CEP72: variants seen among roughly 807,000 people sequenced by gnomAD.
The protein encoded by CEP72 is centrosomal protein of 72 kDa.
In CEP72, 78 loss-of-function variants were observed where a neutral mutation model predicts 65.7. The ratio of observed to expected loss-of-function variants is 1.19; its 90% CI spans 0.99 to 1.43. The LOEUF (loss-of-function observed/expected upper bound fraction) is 1.43, where lower values mean the gene tolerates loss of function less well. CEP72 is among the 40% of genes most tolerant of loss of function. The pLI, the probability that CEP72 is intolerant of heterozygous loss-of-function variation, is 0.00. For synonymous variants in CEP72, 358 were observed against 351.7 expected (o/e 1.02, Z -0.20); for missense variants, 914 against 832.9 (o/e 1.10, Z -1.20).
At chr5:638,456 C>T (rs1435644717) in intron 7 of CEP72, among the ~76,000 whole-genome samples, 1 of 151,706 alleles carries the variant, frequency 6.6e-6, no homozygotes, top group Non-Finnish European at 1.5e-5. Flanking sequence ...CTTGCCACAA[C>T]GAGGGCTTCA....
At chr5:658,528 A>G (rs139172646), downstream of CEP72, among the ~76,000 whole-genome samples, 14 of 152,084 alleles carry the variant, frequency 9.2e-5, no homozygotes, top group East Asian at 1.9e-4. Flanking sequence ...TTTCTTTTCA[A>G]TTTCTGATCT....
intron 9 of CEP72, among the ~76,000 whole-genome samples, chr5:643,918 G>C (rs1738235157): frequency 6.6e-6 from 1 of 152,238 alleles, no homozygotes; most frequent in Non-Finnish European, 1.5e-5. Flanking sequence ...ACCAAGGCCT[G>C]GGGCTCGCAG....
chr5:623,677 C>T lies in CEP72; in HGVS notation c.404-794C>T, dbSNP rs1236471938. 6.6e-6 allele frequency among the ~76,000 whole-genome samples: 1 copy of T among 151,904 alleles called. No homozygotes were observed. Reference sequence around the variant, plus strand: ...GGTTGCGGGAGGGTGGGATTGGGTGCAGGTCTCCTGGCGCACGTGTCTCCT... The same window carrying T: ...GGTTGCGGGAGGGTGGGATTGGGTGTAGGTCTCCTGGCGCACGTGTCTCCT... On this transcript the variant is annotated intron_variant, in intron 3 of 11. Coordinates refer to ENST00000264935, the MANE Select transcript of CEP72 (RefSeq NM_018140.4). This position sits in a 1 kb window ranked among gnomAD's most constrained non-coding sequence, Gnocchi z 5.3.
intron 7 of CEP72, among the ~76,000 whole-genome samples, chr5:638,606 CG>C (rs1485442168): frequency 2.0e-5 from 3 of 151,432 alleles, no homozygotes; most frequent in Non-Finnish European, 4.4e-5. Flanking sequence ...TTGACGTCCC[CG>C]GCAGGTCCTG....
chr5:628,870 C>A lies in CEP72; in HGVS notation c.512+4291C>A, dbSNP rs1398059876. On this transcript the variant is annotated intron_variant, in intron 4 of 11. Coordinates refer to ENST00000264935, the MANE Select transcript of CEP72 (RefSeq NM_018140.4). ...CCAGCGCCCTTCTTTGTGCAGCGTT[C>A]TGGAGAACTCAGGTTGCCGTCCCTG... Among the ~76,000 whole-genome samples the A allele has an allele frequency of 5.8e-4, 64 of 110,986 alleles. 2 individuals are homozygous for A. Among genetic ancestry groups the A allele is most frequent in the African/African-American group, 2.4e-3 (58 of 24,324 alleles). The allele number at this position is 110,986 out of a possible 152,430, so 72.8% of individuals were successfully genotyped here. A position where few individuals can be genotyped will look rare whatever the true frequency, so the allele number is the denominator to read the frequency against.
intron 8 of CEP72, 30 bp from the exon 9 acceptor site, chr5:640,378 G>A (rs924221149): frequency 6.2e-7 from 1 of 1,604,178 alleles, no homozygotes; most frequent in African/African-American, 1.3e-5. Context: ...AAGCCTAAGT[G>A]CTAATGTAAT....
intron 1 of CEP72, chr5:612,705 G>C: frequency 1.1e-6 from 1 of 871,620 alleles, no homozygotes; most frequent in South Asian, 5.2e-5. Flanking sequence ...CGTGACTGGG[G>C]GTTACATCCG....
At chr5:673,416 C>T in the CEP72 span, among the ~76,000 whole-genome samples, 1 of 152,022 alleles carries the variant, frequency 6.6e-6, no homozygotes, top group African/African-American at 2.4e-5. Flanking sequence ...GTGGGGGCAG[C>T]CCTGGGGGGC....
intron 4 of CEP72, among the ~76,000 whole-genome samples, chr5:629,388 A>G (rs973394068): frequency 3.3e-5 from 5 of 152,070 alleles, no homozygotes; most frequent in African/African-American, 1.2e-4. Flanking sequence ...TTTTGAACCA[A>G]TCCTAGTGGG....
intron 7 of CEP72, 86 bp downstream of exon 7, chr5:637,904 G>A (rs1208986123): frequency 2.8e-5 from 36 of 1,282,898 alleles, no homozygotes; most frequent in Admixed American, 5.6e-5. Flanking sequence ...CCGTGATTAC[G>A]CCTGCGGCAC....
downstream of CEP72, chr5:659,845 T>G (rs953802879): frequency 6.6e-6 from 1 of 152,422 alleles, no homozygotes; most frequent in Non-Finnish European, 1.5e-5. Flanking sequence ...ACACGTGTGC[T>G]CTGAGGAACA....
intron 3 of CEP72, among the ~76,000 whole-genome samples, chr5:622,750 A>G (rs564259166): frequency 1.0e-4 from 15 of 146,256 alleles, no homozygotes; most frequent in African/African-American, 2.7e-4. Context: ...GACATTAACA[A>G]TGGACCCCCC....
At chr5:658,745 T>G (rs1739461646), downstream of CEP72, among the ~76,000 whole-genome samples, 1 of 132,240 alleles carries the variant, frequency 7.6e-6, no homozygotes, top group Non-Finnish European at 1.6e-5. Flanking sequence ...CTCGGCTCAC[T>G]GCAAGCTCCG....
At chr5:627,748 C>G (rs1182448993) in intron 4 of CEP72, among the ~76,000 whole-genome samples, 2 of 152,278 alleles carry the variant, frequency 1.3e-5, no homozygotes, top group East Asian at 3.9e-4. Flanking sequence ...AAAGGAAGCA[C>G]TTATTCCACG....
At chr5:617,813 C>T (rs532420399) in intron 1 of CEP72, among the ~76,000 whole-genome samples, 15 of 152,068 alleles carry the variant, frequency 9.9e-5, no homozygotes, top group Non-Finnish European at 2.1e-4. Context: ...TGCAGTGAGC[C>T]GAGATCGCAC....
chr5:635,398 T>C lies in CEP72; in HGVS notation c.718T>C (p.Leu240=), dbSNP rs1737519464. Residue 240 remains leucine, a synonymous_variant, in exon 6 of 12, where the codon TTG becomes CTG. Transcript: ENST00000264935. ...QESRHLLSPQ[L]VQYQCGDSGK... is the part of the protein sequence containing the mutation. ...ATCCAGACATCTGTTGAGCCCGCAG[T>C]TGGTACAGTACCAGTGTGGGGACTC... The C allele has an allele frequency of 6.2e-7, 1 of 1,613,258 alleles. No homozygotes were observed. Among genetic ancestry groups the C allele is most frequent in the African/African-American group, 1.3e-5 (1 of 74,926 alleles).
At chr5:612,677 C>A in intron 1 of CEP72, 1 of 896,380 alleles carries the variant, frequency 1.1e-6, no homozygotes. Flanking sequence ...CCCTGCCTGT[C>A]TATCGGGTCA....
intron 6 of CEP72, among the ~76,000 whole-genome samples, chr5:635,969 G>A (rs28509302): frequency 2.0e-5 from 3 of 152,174 alleles, no homozygotes; most frequent in African/African-American, 7.2e-5. Context: ...TCCTTTATCA[G>A]GAACCCAGCC....
chr5:612,700 C>A, intron 1 of CEP72: 1 of 882,186 alleles, frequency 1.1e-6, no homozygotes. Context: ...GGTTCCGTGA[C>A]TGGGGGTTAC....
Sources: allele counts gnomAD v4.1 joint callset (sites outside exome capture counted in the v4.1 genomes callset), GRCh38; gene constraint gnomAD v4.1.1; non-coding constraint Gnocchi (gnomAD v3.1); transcripts MANE v1.5; gene names NCBI Gene and HGNC (gene_info 2026-07-23, HGNC 2026-07-21).